The following PC variants were observed in gnomAD, a reference collection of about 807,000 sequenced individuals.
PC encodes pyruvate carboxylase, mitochondrial.
Under a neutral mutation model 107.8 loss-of-function variants are expected in PC, and 46 were observed. The ratio of observed to expected loss-of-function variants is 0.43; its 90% CI spans 0.34 to 0.55. PC has a LOEUF of 0.55. Among genes scored for constraint, PC ranks in the 20% least tolerant of loss-of-function variants. The pLI, the probability that PC is intolerant of heterozygous loss-of-function variation, is 0.04. For synonymous variants in PC, 662 were observed against 684.7 expected (o/e 0.97, Z 0.52); for missense variants, 1,241 against 1,643.1 (o/e 0.76, Z 4.23).
In PC at chr11:66,866,240, C is replaced by G; in HGVS notation, c.1132G>C (p.Val378Leu). ...RINGCAIQCR[V>L]TTEDPARSFQ... ...CTGCGCGCGGGGTCCTCGGTGGTGACCCGGCACTGGATGGCACACCCGTTG... is the reference window on the plus strand; with the variant it reads ...CTGCGCGCGGGGTCCTCGGTGGTGAGCCGGCACTGGATGGCACACCCGTTG... Residue 378 changes from valine (V) to leucine (L), a missense_variant, in exon 11 of 23, where the codon GTC becomes CTC. By Grantham distance (32) the Val-to-Leu change is conservative. Around this residue, in one of 2 missense-constraint regions of PC, gnomAD observed 1,143 missense variants for 1,551.9 expected, o/e 0.74. Transcript: ENST00000393960. The surrounding 1 kb of genome is among the most constrained non-coding windows in gnomAD (Gnocchi z 5.4). 6.2e-7 allele frequency: 1 copy of G among 1,612,652 alleles called. No homozygotes were observed. Among genetic ancestry groups the G allele is most frequent in the East Asian group, 2.2e-5 (1 of 44,872 alleles).
chr11:66,848,542 TTTA>T lies in PC; in HGVS notation c.*354_*356del. 1 of 592,770 alleles carries T rather than the reference TTTA, an allele frequency of 1.7e-6. No homozygotes were observed. Among genetic ancestry groups the T allele is most frequent in the Non-Finnish European group, 3.0e-6 (1 of 333,388 alleles). The allele number at this position is 592,770 out of a possible 1,614,324, so 36.7% of individuals were successfully genotyped here. A position where few individuals can be genotyped will look rare whatever the true frequency, so the allele number is the denominator to read the frequency against. On this transcript the variant is annotated 3_prime_UTR_variant, in exon 23 of 23. Transcript: ENST00000393960. ...GCATGGAGGGCAGGGGAAAGCCAGCTTTATTGAGTAAACTTCCCAGGACCTGGG... is the reference window on the plus strand; with the variant it reads ...GCATGGAGGGCAGGGGAAAGCCAGCTTTGAGTAAACTTCCCAGGACCTGGG...
intron 3 of PC, among the ~76,000 whole-genome samples, chr11:66,947,054 T>A (rs1435589007): frequency 6.6e-6 from 1 of 152,046 alleles, no homozygotes; most frequent in East Asian, 1.9e-4. Context: ...GAATGTAAAA[T>A]ACTACAACCA....
At chr11:66,933,494 T>C (rs1948915019) in intron 3 of PC, among the ~76,000 whole-genome samples, 1 of 152,182 alleles carries the variant, frequency 6.6e-6, no homozygotes, top group South Asian at 2.1e-4. Flanking sequence ...CTATTTCTTT[T>C]CTATTTGTCT....
chr11:66,918,414 A>G (rs967477853), intron 3 of PC, among the ~76,000 whole-genome samples: 4 of 150,784 alleles, frequency 2.7e-5, no homozygotes, highest in African/African-American at 9.8e-5. Flanking sequence ...TTTAAAACAG[A>G]GTCTCGCTCT....
chr11:66,950,377 C>A (rs558240558), intron 3 of PC, among the ~76,000 whole-genome samples: 1 of 152,200 alleles, frequency 6.6e-6, no homozygotes, highest in South Asian at 2.1e-4. Flanking sequence ...CGTGCCCTCC[C>A]GGCCCCACCT....
Position 66,871,637 on chromosome 11 carries a change from A to G in PC, c.321+50T>C. ...GCCTCAAGAGACCCCCGCGGCAACTAAGACTCCCTGGTCCCTGCTGTCCAG... is the reference window on the plus strand; with the variant it reads ...GCCTCAAGAGACCCCCGCGGCAACTGAGACTCCCTGGTCCCTGCTGTCCAG... On this transcript the variant is annotated intron_variant, in intron 5 of 22. Transcript: ENST00000393960. This position sits in a 1 kb window ranked among gnomAD's most constrained non-coding sequence, Gnocchi z 7.4. 1 of 1,562,974 alleles carries G rather than the reference A, an allele frequency of 6.4e-7. No homozygotes were observed. The highest frequency in any genetic ancestry group is 8.7e-7 in the Non-Finnish European group (1 of 1,152,168).
intron 3 of PC, among the ~76,000 whole-genome samples, chr11:66,925,522 T>C (rs912160999): frequency 1.3e-5 from 2 of 152,346 alleles, no homozygotes; most frequent in East Asian, 3.9e-4. Context: ...TTCTCTCTCT[T>C]GTTCCCTGAA....
intron 3 of PC, among the ~76,000 whole-genome samples, chr11:66,873,538 T>A (rs1303786667): frequency 2.0e-5 from 2 of 101,986 alleles, no homozygotes; most frequent in Non-Finnish European, 3.7e-5. Flanking sequence ...TAATATATAT[T>A]ATATATAATA....
intron 12 of PC, among the ~76,000 whole-genome samples, chr11:66,854,140 C>T (rs1945669444): frequency 6.6e-6 from 1 of 152,250 alleles, no homozygotes; most frequent in South Asian, 2.1e-4. Context: ...CTGGTCAAGC[C>T]AGAGGATTCG....
chr11:66,916,043 T>G (rs1948455506), intron 3 of PC, among the ~76,000 whole-genome samples: 1 of 152,202 alleles, frequency 6.6e-6, no homozygotes, highest in Non-Finnish European at 1.5e-5. Flanking sequence ...TGTGTTTCTT[T>G]CAGCCACTGC....
intron 3 of PC, among the ~76,000 whole-genome samples, chr11:66,939,063 C>G (rs974815916): frequency 6.6e-6 from 1 of 152,234 alleles, no homozygotes; most frequent in Admixed American, 6.5e-5. Flanking sequence ...GCAGAGTCGT[C>G]ACTCAGTGAC....
At chr11:66,878,545 C>T (rs76119247) in intron 3 of PC, among the ~76,000 whole-genome samples, 83 of 152,318 alleles carry the variant, frequency 5.4e-4, no homozygotes, top group African/African-American at 1.9e-3. Flanking sequence ...GCCCCCTCGG[C>T]GGCCCCTCTC....
At position 66,870,851 on chromosome 11, in the gene PC, C is replaced by T. The variant is rs766051955; in HGVS notation, c.675G>A (p.Leu225=). The change falls in exon 8 of 23, where the codon CTG becomes CTA. Residue 225 remains leucine (L), a synonymous_variant. Coordinates refer to ENST00000393960, the MANE Select transcript of PC (RefSeq NM_001040716.2). The surrounding 1 kb of genome is among the most constrained non-coding windows in gnomAD (Gnocchi z 6.1). ...ENYTRAYSEA[L]AAFGNGALFV... ...ACAGCGCCCCATTCCCAAAGGCGGC[C>T]AGAGCCTCTGAGTAGGCCCGGGTGT... 2 of 1,613,694 alleles carry T rather than the reference C, an allele frequency of 1.2e-6. No individual in the cohort carries two copies. The highest frequency in any genetic ancestry group is 1.3e-5 in the African/African-American group (1 of 75,060).
At chr11:66,932,556 C>T (rs995211569) in intron 3 of PC, among the ~76,000 whole-genome samples, 3 of 152,142 alleles carry the variant, frequency 2.0e-5, no homozygotes, top group Non-Finnish European at 2.9e-5. Flanking sequence ...ATGCAGTGGC[C>T]GAAATGTCCT....
At chr11:66,878,354 C>T (rs1947059085) in intron 3 of PC, among the ~76,000 whole-genome samples, 1 of 152,210 alleles carries the variant, frequency 6.6e-6, no homozygotes, top group Non-Finnish European at 1.5e-5. Flanking sequence ...CTCTCCTCCC[C>T]TGTCCACACC....
At chr11:66,922,079 T>A (rs1241726555) in intron 3 of PC, among the ~76,000 whole-genome samples, 2 of 152,004 alleles carry the variant, frequency 1.3e-5, no homozygotes, top group Non-Finnish European at 2.9e-5. Context: ...GCACCTACAA[T>A]CCCAGAATAG....
Position 66,858,339 on chromosome 11 carries a change from G to T in PC, c.1369-4956C>A, listed in dbSNP as rs1195956855. 6.2e-7 allele frequency: 1 copy of T among 1,605,004 alleles called. No homozygotes were observed. Among genetic ancestry groups the T allele is most frequent in the Admixed American group, 1.7e-5 (1 of 59,334 alleles). ...CCAGCTCGGTCAGCTCTCCCGCCTG[G>T]ACCTCACCTCCAACCGCCTGGCCAC... is the stretch of plus-strand genomic sequence containing the variant. On this transcript the variant is annotated intron_variant, in intron 12 of 22. Coordinates refer to ENST00000393960, the MANE Select transcript of PC (RefSeq NM_001040716.2). The surrounding 1 kb of genome is among the most constrained non-coding windows in gnomAD (Gnocchi z 5.9).
At chr11:66,934,433 T>C (rs1591300861) in intron 3 of PC, 1 of 153,768 alleles carries the variant, frequency 6.5e-6, no homozygotes, top group Non-Finnish European at 1.5e-5. Flanking sequence ...CACTGGTTGG[T>C]TTCCTCATCT....
At chr11:66,946,092 CAA>C (rs757767116) in intron 3 of PC, among the ~76,000 whole-genome samples, 3,741 of 65,808 alleles carry the variant, frequency 0.057, 65 homozygotes, top group African/African-American at 0.19. Context: ...GACTCCGTCT[CAA>C]AAAAAAAAAA....
Sources: allele counts gnomAD v4.1 joint callset (sites outside exome capture counted in the v4.1 genomes callset), GRCh38; gene constraint gnomAD v4.1.1; regional missense constraint gnomAD v4.1.1; non-coding constraint Gnocchi (gnomAD v3.1); transcripts MANE v1.5; gene names NCBI Gene and HGNC (gene_info 2026-07-23, HGNC 2026-07-21).